CELF2: variants seen among roughly 807,000 people sequenced by gnomAD.
The protein encoded by CELF2 is CUGBP Elav-like family member 2.
In CELF2, 8 loss-of-function variants were observed where a neutral mutation model predicts 62.6. The observed-to-expected ratio is 0.13, with a 90% confidence interval of 0.07 to 0.23. The LOEUF is 0.23. Among genes scored for constraint, CELF2 ranks in the 10% least tolerant of loss-of-function variants. CELF2 has a pLI of 1.00. For missense variants in CELF2, 333 were observed against 671.0 expected (o/e 0.50, Z 5.56); for synonymous variants, 258 against 250.0 (o/e 1.03, Z -0.30).
At chr10:11,111,281 T>C (rs1008742397) in intron 1 of CELF2, among the ~76,000 whole-genome samples, 3 of 152,218 alleles carry the variant, frequency 2.0e-5, no homozygotes, top group African/African-American at 7.2e-5. Context: ...AACAAAACTG[T>C]TGAACAACTT....
At chr10:10,702,057 C>T in the CELF2 span, among the ~76,000 whole-genome samples, 1 of 152,166 alleles carries the variant, frequency 6.6e-6, no homozygotes, top group African/African-American at 2.4e-5. Context: ...TTCTGGTATG[C>T]AGTGTTTGAT....
At chr10:11,327,544 G>T (rs971825273) in intron 12 of CELF2, among the ~76,000 whole-genome samples, 5 of 152,178 alleles carry the variant, frequency 3.3e-5, no homozygotes, top group African/African-American at 4.8e-5. Flanking sequence ...TCATAAGGTA[G>T]TGCCCCGTTC....
intron 1 of CELF2, among the ~76,000 whole-genome samples, chr10:11,035,514 A>G (rs1455820684): frequency 6.6e-6 from 1 of 152,190 alleles, no homozygotes; most frequent in African/African-American, 2.4e-5. Flanking sequence ...TGATCTGATG[A>G]TACTGCCTTT....
chr10:11,278,516 G>A (rs2086981687), intron 8 of CELF2, among the ~76,000 whole-genome samples: 1 of 152,200 alleles, frequency 6.6e-6, no homozygotes, highest in Admixed American at 6.5e-5. Context: ...TCTTGAAAGA[G>A]AAAGGGAGTA....
the CELF2 span, among the ~76,000 whole-genome samples, chr10:10,492,272 C>A: frequency 6.6e-6 from 1 of 152,154 alleles, no homozygotes; most frequent in Non-Finnish European, 1.5e-5. Context: ...CCCCTCTTTT[C>A]CATTCTCCTC....
chr10:11,204,910 C>A (rs1465319027), intron 2 of CELF2, among the ~76,000 whole-genome samples: 1 of 152,118 alleles, frequency 6.6e-6, no homozygotes, highest in East Asian at 1.9e-4. Context: ...TGGTTAAACT[C>A]GTATAGTAGT....
At chr10:11,072,498 A>G (rs1211202324) in intron 1 of CELF2, among the ~76,000 whole-genome samples, 1 of 152,178 alleles carries the variant, frequency 6.6e-6, no homozygotes, top group East Asian at 1.9e-4. Flanking sequence ...GAGTGTGACC[A>G]CTTGCCCCTG....
chr10:10,555,886 TC>T, the CELF2 span, among the ~76,000 whole-genome samples: 3 of 152,228 alleles, frequency 2.0e-5, no homozygotes, highest in Non-Finnish European at 2.9e-5. Context: ...CCTAATTGTT[TC>T]TGTTCCAGAC....
At chr10:10,760,151 A>G in the CELF2 span, among the ~76,000 whole-genome samples, 1 of 152,048 alleles carries the variant, frequency 6.6e-6, no homozygotes, top group African/African-American at 2.4e-5. Flanking sequence ...TGATCCACCC[A>G]CCTCAGGCTC....
At chr10:10,550,411 A>G in the CELF2 span, among the ~76,000 whole-genome samples, 1 of 152,164 alleles carries the variant, frequency 6.6e-6, no homozygotes, top group Non-Finnish European at 1.5e-5. Flanking sequence ...AGAGTCATCA[A>G]TGGGCTCACT....
At chr10:10,566,032 A>G in the CELF2 span, among the ~76,000 whole-genome samples, 1 of 152,206 alleles carries the variant, frequency 6.6e-6, no homozygotes, top group Non-Finnish European at 1.5e-5. Flanking sequence ...TGGAAATTAC[A>G]TGGAACTCTA....
At chr10:10,551,225 C>A in the CELF2 span, among the ~76,000 whole-genome samples, 25 of 152,168 alleles carry the variant, frequency 1.6e-4, no homozygotes, top group Non-Finnish European at 3.2e-4. Context: ...CAACTGTAGT[C>A]TTAAGAGGCC....
intron 1 of CELF2, among the ~76,000 whole-genome samples, chr10:11,125,689 G>A (rs2058566639): frequency 6.6e-6 from 1 of 152,120 alleles, no homozygotes; most frequent in African/African-American, 2.4e-5. Flanking sequence ...CCACACTGCT[G>A]TCACCTCTCG....
At chr10:10,631,279 G>C in the CELF2 span, among the ~76,000 whole-genome samples, 1 of 151,972 alleles carries the variant, frequency 6.6e-6, no homozygotes, top group African/African-American at 2.4e-5. Context: ...TAAAGAAAAC[G>C]CTAGTTCAAA....
At chr10:10,619,894 G>C in the CELF2 span, among the ~76,000 whole-genome samples, 1 of 152,150 alleles carries the variant, frequency 6.6e-6, no homozygotes, top group Admixed American at 6.5e-5. Flanking sequence ...ACAGGGATGG[G>C]ATACAGGGTT....
the CELF2 span, among the ~76,000 whole-genome samples, chr10:10,720,513 C>T: frequency 6.6e-6 from 1 of 152,150 alleles, no homozygotes; most frequent in African/African-American, 2.4e-5. Flanking sequence ...TTATCTGTGG[C>T]CCTATGTTGG....
the CELF2 span, among the ~76,000 whole-genome samples, chr10:10,625,306 C>T: frequency 6.6e-6 from 1 of 152,172 alleles, no homozygotes; most frequent in Non-Finnish European, 1.5e-5. Context: ...ACCACAAGAA[C>T]GGCAACAGCA....
chr10:11,017,203 A>G (rs151068720), upstream of CELF2, among the ~76,000 whole-genome samples: 19 of 152,350 alleles, frequency 1.2e-4, no homozygotes, highest in East Asian at 3.5e-3. The surrounding 1 kb of genome is among the most constrained non-coding windows in gnomAD (Gnocchi z 5.5). Flanking sequence ...TGGCCCTTAC[A>G]TTACAGACCT....
the CELF2 span, among the ~76,000 whole-genome samples, chr10:10,517,079 G>A: frequency 1.1e-4 from 16 of 152,232 alleles, no homozygotes; most frequent in Non-Finnish European, 1.9e-4. Flanking sequence ...AATTTTTCCC[G>A]TGAAAGAAGG....
Sources: allele counts gnomAD v4.1 joint callset (sites outside exome capture counted in the v4.1 genomes callset), GRCh38; gene constraint gnomAD v4.1.1; non-coding constraint Gnocchi (gnomAD v3.1); transcripts MANE v1.5; gene names NCBI Gene and HGNC (gene_info 2026-07-23, HGNC 2026-07-21).